PDZD2: variants seen among roughly 807,000 people sequenced by gnomAD.
PDZD2 encodes the protein PDZ domain-containing protein 2.
In PDZD2, 90 loss-of-function variants were observed where a neutral mutation model predicts 220.7. That is an observed-to-expected ratio of 0.41 (90% CI 0.34 to 0.49). The LOEUF (loss-of-function observed/expected upper bound fraction) is 0.49. Among genes scored for constraint, PDZD2 ranks in the 20% least tolerant of loss-of-function variants. The pLI is 0.28. For synonymous variants in PDZD2, 1,375 were observed against 1,450.5 expected, an observed-to-expected ratio of 0.95 and a Z score of 1.18; for missense variants, 3,174 against 3,608.5, an observed-to-expected ratio of 0.88 and a Z score of 3.08.
intron 2 of PDZD2, among the ~76,000 whole-genome samples, chr5:31,970,410 C>A (rs67642053): frequency 0.22 from 33,503 of 151,878 alleles, 3,825 homozygotes; most frequent in South Asian, 0.28. Flanking sequence ...AATCCCAGCA[C>A]TTAGGGAAGC....
intron 1 of PDZD2, among the ~76,000 whole-genome samples, chr5:31,705,084 TC>T (rs993825760): frequency 4.0e-4 from 60 of 151,802 alleles, no homozygotes; most frequent in African/African-American, 1.4e-3. Flanking sequence ...TCAGTGGAAC[TC>T]AGGAGGCGAA....
rs980387812 is a variant in PDZD2, at chr5:32,109,876, A to AAAT, written c.*1743_*1745dup. On this transcript the variant is annotated 3_prime_UTR_variant, in exon 25 of 25. Coordinates refer to ENST00000438447, the MANE Select transcript of PDZD2 (RefSeq NM_178140.4). Reference sequence around the variant, plus strand: ...TAGAGAGGTCCTTCAGATGAGAGAGAAATAGCTGGCTTGTCTGAGTCCAGA... The same window carrying AAAT: ...TAGAGAGGTCCTTCAGATGAGAGAGAAATAATAGCTGGCTTGTCTGAGTCCAGA... 21 of 152,766 alleles carry AAAT rather than the reference A, an allele frequency of 1.4e-4. No homozygotes were observed. The highest frequency in any genetic ancestry group is 4.8e-4 in the African/African-American group (20 of 41,552). The allele number at this position is 152,766 out of a possible 1,614,324, so 9.5% of individuals were successfully genotyped here. A position where few individuals can be genotyped will look rare whatever the true frequency, so the allele number is the denominator to read the frequency against.
rs549700268 is a variant in PDZD2 at position 31,903,739 on chromosome 5, T to C, written c.477-79416T>C. On this transcript the variant is annotated intron_variant, in intron 2 of 24. Transcript: ENST00000438447. ...ATTTTTTGTTTTTGTTTTTTTCTTTTTGAGACGGAATTTTGTTTTTGTTGC... is the reference window on the plus strand; with the variant it reads ...ATTTTTTGTTTTTGTTTTTTTCTTTCTGAGACGGAATTTTGTTTTTGTTGC... Among the ~76,000 whole-genome samples, 3 of 152,288 alleles carry C rather than the reference T, an allele frequency of 2.0e-5. No individual in the cohort carries two copies. The East Asian group carries it at 5.8e-4, about 29-fold the overall frequency.
intron 1 of PDZD2, among the ~76,000 whole-genome samples, chr5:31,768,539 G>A (rs145464909): frequency 0.024 from 3,684 of 152,056 alleles, 139 homozygotes; most frequent in African/African-American, 0.083. Flanking sequence ...CTACTTGGGA[G>A]GCTGAAGCAA....
chr5:31,759,540 A>T (rs1266864004), intron 1 of PDZD2, among the ~76,000 whole-genome samples: 3 of 131,168 alleles, frequency 2.3e-5, no homozygotes, highest in Admixed American at 7.7e-5. Context: ...TCTCAGAACT[A>T]TTTTTTTTTT....
chr5:31,890,263 G>T (rs1187350256), intron 2 of PDZD2, among the ~76,000 whole-genome samples: 4 of 151,680 alleles, frequency 2.6e-5, no homozygotes, highest in African/African-American at 9.7e-5. Flanking sequence ...CACTAGCCAC[G>T]TGTGAAATGT....
At chr5:32,024,702 A>G (rs1004856303) in intron 6 of PDZD2, among the ~76,000 whole-genome samples, 1 of 39,980 alleles carries the variant, frequency 2.5e-5, no homozygotes, top group African/African-American at 5.8e-5. Context: ...AAGAAAGAAA[A>G]AAAAGAAAAG....
chr5:32,016,445 T>C (rs1226092052), intron 6 of PDZD2, among the ~76,000 whole-genome samples: 1 of 152,156 alleles, frequency 6.6e-6, no homozygotes, highest in African/African-American at 2.4e-5. Context: ...ATACCAAGGG[T>C]GTAAACCTGT....
At chr5:31,889,697 G>GTA (rs1333165819) in intron 2 of PDZD2, among the ~76,000 whole-genome samples, 4 of 152,110 alleles carry the variant, frequency 2.6e-5, no homozygotes, top group Non-Finnish European at 5.9e-5. Context: ...CTGTGTCCGA[G>GTA]TAAGGGACTC....
chr5:31,818,454 T>C (rs1166475502), intron 2 of PDZD2, among the ~76,000 whole-genome samples: 1 of 152,154 alleles, frequency 6.6e-6, no homozygotes, highest in Non-Finnish European at 1.5e-5. Flanking sequence ...CTGGTTTTCT[T>C]TGGGATCTGC....
chr5:31,983,571 A>G lies in PDZD2; in HGVS notation c.893A>G (p.Asp298Gly). 6.2e-7 allele frequency: 1 copy of G among 1,614,148 alleles called. No individual in the cohort carries two copies. Among genetic ancestry groups the G allele is most frequent in the Non-Finnish European group, 8.5e-7 (1 of 1,179,990 alleles). The change falls in exon 3 of 25, where the codon GAT becomes GGT. Residue 298 changes from aspartate (D) to glycine (G), a missense_variant. By Grantham distance (94) the Asp-to-Gly change is moderately conservative. Transcript: ENST00000438447. Reference protein sequence around the residue: ...RGTEHRIPKTDAPLTTSNDKR... With the variant: ...RGTEHRIPKTGAPLTTSNDKR... ...ACAGAGCATAGAATTCCAAAGACAG[A>G]TGCTCCTCTGACCACAAGCAATGAC...
Position 32,058,109 on chromosome 5 carries a change from A to G in PDZD2, c.2200+6A>G, listed in dbSNP as rs369818603. 15 of 1,362,254 alleles carry G rather than the reference A, an allele frequency of 1.1e-5. No individual in the cohort carries two copies. Among genetic ancestry groups the G allele is most frequent in the Non-Finnish European group, 1.6e-5 (15 of 949,970 alleles). 84.4% of individuals were successfully genotyped at this position (1,362,254 alleles called of 1,614,324 possible). On this transcript the variant is annotated splice_donor_region_variant and intron_variant, in intron 12 of 24. Transcript: ENST00000438447. ...GGAAGTAACACTCAACAAAGGTGATAGCAGCTATTCCTTACCTTTGTCTCA... is the reference window on the plus strand; with the variant it reads ...GGAAGTAACACTCAACAAAGGTGATGGCAGCTATTCCTTACCTTTGTCTCA...
chr5:31,686,477 C>CCA (rs1746870697), intron 1 of PDZD2, among the ~76,000 whole-genome samples: 1 of 152,008 alleles, frequency 6.6e-6, no homozygotes, highest in African/African-American at 2.4e-5. Context: ...GATTCTCCTG[C>CCA]CACAGCCTTC....
Position 32,077,595 on chromosome 5 carries a change from A to G in PDZD2, c.3671A>G (p.Gln1224Arg). The G allele has an allele frequency of 6.2e-7, 1 of 1,614,164 alleles. No homozygotes were observed. Among genetic ancestry groups the G allele is most frequent in the African/African-American group, 1.3e-5 (1 of 75,046 alleles). ...LPKAASELGQQPMTELDSSSD... is the reference protein window; with the variant it reads ...LPKAASELGQRPMTELDSSSD... ...AAAGCTGCATCAGAGCTGGGGCAAC[A>G]ACCCATGACTGGTAAGATTATTTTC... Residue 1224 changes from glutamine to arginine, a missense_variant, in exon 19 of 25, where the codon CAA becomes CGA. Transcript: ENST00000438447.
intron 2 of PDZD2, among the ~76,000 whole-genome samples, chr5:31,846,489 C>T (rs2150290527): frequency 6.6e-6 from 1 of 152,296 alleles, no homozygotes; most frequent in Non-Finnish European, 1.5e-5. Flanking sequence ...GGGAAAGAGA[C>T]ATGGGCATCT....
At chr5:31,935,383 T>A (rs1198256158) in intron 2 of PDZD2, among the ~76,000 whole-genome samples, 1 of 152,162 alleles carries the variant, frequency 6.6e-6, no homozygotes, top group East Asian at 1.9e-4. Flanking sequence ...GGGAAGCCTA[T>A]TTTTTAACAT....
At chr5:31,802,027 A>G (rs1754422780) in intron 2 of PDZD2, among the ~76,000 whole-genome samples, 1 of 152,158 alleles carries the variant, frequency 6.6e-6, no homozygotes, top group Non-Finnish European at 1.5e-5. Flanking sequence ...TAAGAGGAAT[A>G]GAAGGTGATG....
intron 6 of PDZD2, among the ~76,000 whole-genome samples, chr5:32,030,632 T>A (rs1755046535): frequency 6.6e-6 from 1 of 152,220 alleles, no homozygotes; most frequent in Non-Finnish European, 1.5e-5. Flanking sequence ...CCTAACATAC[T>A]AATCTAGATA....
chr5:32,060,492 T>TATA (rs1301784261), intron 13 of PDZD2, among the ~76,000 whole-genome samples: 4 of 152,180 alleles, frequency 2.6e-5, no homozygotes, highest in African/African-American at 7.2e-5. Flanking sequence ...TAAGTTATAT[T>TATA]ATAATAATCA....
Sources: gnomAD v4.1 joint callset for allele counts (sites outside exome capture counted in the v4.1 genomes callset) on GRCh38, gnomAD v4.1.1 for gene constraint, MANE v1.5 for transcripts, NCBI Gene and HGNC (gene_info 2026-07-23, HGNC 2026-07-21) for gene names.